The following NRXN3 variants were observed in gnomAD, a reference collection of about 807,000 sequenced individuals.
The protein encoded by NRXN3 is neurexin III.
In NRXN3, 32 loss-of-function variants were observed where a neutral mutation model predicts 137.6. The observed-to-expected ratio is 0.23, with a 90% CI of 0.18 to 0.31. The LOEUF is 0.31. Among genes scored for constraint, NRXN3 ranks in the 10% least tolerant of loss-of-function variants. The pLI, the probability that NRXN3 is intolerant of heterozygous loss-of-function variation, is 1.00. For synonymous variants in NRXN3, 798 were observed against 784.5 expected (o/e 1.02, Z -0.29); for missense variants, 1,574 against 2,062.5 (o/e 0.76, Z 4.59).
At chr14:78,764,055 C>T (rs2098701013) in intron 8 of NRXN3, among the ~76,000 whole-genome samples, 1 of 152,166 alleles carries the variant, frequency 6.6e-6, no homozygotes, top group Non-Finnish European at 1.5e-5. Context: ...TTCCCCACTA[C>T]AGAGCACTCA....
intron 4 of NRXN3, among the ~76,000 whole-genome samples, chr14:78,356,144 G>A (rs1320174361): frequency 6.6e-6 from 1 of 152,210 alleles, no homozygotes; most frequent in Non-Finnish European, 1.5e-5. Context: ...GCCTTCATGG[G>A]CTTGGTTGGC....
chr14:79,523,710 G>C (rs1251712734), intron 16 of NRXN3, among the ~76,000 whole-genome samples: 1 of 152,226 alleles, frequency 6.6e-6, no homozygotes, highest in African/African-American at 2.4e-5. Flanking sequence ...CCTGATTTGG[G>C]TAATGAAGGC....
chr14:79,451,838 G>C (rs535356046), intron 15 of NRXN3, among the ~76,000 whole-genome samples: 1 of 152,150 alleles, frequency 6.6e-6, no homozygotes, highest in Non-Finnish European at 1.5e-5. Context: ...GATCTGCACC[G>C]TGGCAGCCAG....
At position 79,462,465 on chromosome 14, in the gene NRXN3, T is replaced by A. The variant is rs181872910; in HGVS notation, c.3263-4756T>A. ...AAAACTTGTTCCATTTTAACATCAA[T>A]AGAATTATTTGAGGGAAGGCTATTT... On this transcript the variant is annotated intron_variant, in intron 15 of 20. Transcript: ENST00000335750. Among the ~76,000 whole-genome samples, 504 of 151,144 alleles carry A rather than the reference T, an allele frequency of 3.3e-3. 2 individuals carry two copies. Among genetic ancestry groups the A allele is most frequent in the Non-Finnish European group, 4.5e-3 (305 of 67,858 alleles).
chr14:78,774,670 C>G (rs2098739364), intron 8 of NRXN3, among the ~76,000 whole-genome samples: 1 of 152,118 alleles, frequency 6.6e-6, no homozygotes, highest in South Asian at 2.1e-4. Context: ...ATAATCCCAG[C>G]ACTTTTAGAG....
At chr14:79,409,617 C>CTCTATATA (rs1567045599) in intron 15 of NRXN3, among the ~76,000 whole-genome samples, 2 of 112,112 alleles carry the variant, frequency 1.8e-5, no homozygotes, top group Admixed American at 9.7e-5. Context: ...GTGTGTGTGT[C>CTCTATATA]TATATATATA....
intron 15 of NRXN3, among the ~76,000 whole-genome samples, chr14:79,430,654 C>T (rs1432643803): frequency 6.6e-6 from 1 of 152,124 alleles, no homozygotes; most frequent in Non-Finnish European, 1.5e-5. Flanking sequence ...AGATTTGGTT[C>T]TGTTGTCTGG....
chr14:79,551,346 G>A (rs917830832), intron 16 of NRXN3, among the ~76,000 whole-genome samples: 3 of 152,160 alleles, frequency 2.0e-5, no homozygotes, highest in South Asian at 2.1e-4. Flanking sequence ...AACAAAACAT[G>A]GAAATAGTAA....
At chr14:78,183,166 C>T (rs2059960499) in intron 1 of NRXN3, among the ~76,000 whole-genome samples, 1 of 152,220 alleles carries the variant, frequency 6.6e-6, no homozygotes, top group Non-Finnish European at 1.5e-5. Flanking sequence ...CTCCATTTTT[C>T]TTCCTTCTGG....
intron 20 of NRXN3, among the ~76,000 whole-genome samples, chr14:79,832,156 G>A (rs375465597): frequency 2.6e-4 from 40 of 152,174 alleles, no homozygotes; most frequent in African/African-American, 9.6e-4. Context: ...TTGTTATACT[G>A]TATTGTTTTT....
At chr14:79,067,907 T>C (rs76502973) in intron 15 of NRXN3, among the ~76,000 whole-genome samples, 2,461 of 152,156 alleles carry the variant, frequency 0.016, 57 homozygotes, top group African/African-American at 0.056. Context: ...TTAGACTTGA[T>C]AATTGTAGCT....
chr14:79,667,123 C>G (rs2098563682), intron 17 of NRXN3, among the ~76,000 whole-genome samples: 2 of 152,134 alleles, frequency 1.3e-5, no homozygotes, highest in Non-Finnish European at 2.9e-5. Flanking sequence ...TATTTTAAAT[C>G]ATAAGATCAA....
chr14:79,191,149 C>T (rs2064250082), intron 15 of NRXN3, among the ~76,000 whole-genome samples: 1 of 152,156 alleles, frequency 6.6e-6, no homozygotes, highest in Non-Finnish European at 1.5e-5. Flanking sequence ...AACTGCTATG[C>T]CCATTGCATG....
chr14:79,740,095 T>C (rs1290367044), intron 19 of NRXN3, among the ~76,000 whole-genome samples: 2 of 152,190 alleles, frequency 1.3e-5, no homozygotes, highest in Non-Finnish European at 2.9e-5. Context: ...TTTGAGTTAG[T>C]GTATCACTGT....
At chr14:78,686,046 G>A (rs1353256530) in intron 6 of NRXN3, among the ~76,000 whole-genome samples, 1 of 151,974 alleles carries the variant, frequency 6.6e-6, no homozygotes, top group Non-Finnish European at 1.5e-5. Flanking sequence ...CGTTTAGCTT[G>A]TCCATCACCA....
At chr14:79,569,104 C>T (rs983593432) in intron 16 of NRXN3, among the ~76,000 whole-genome samples, 2 of 151,190 alleles carry the variant, frequency 1.3e-5, no homozygotes, top group African/African-American at 2.4e-5. Flanking sequence ...AATAACAACA[C>T]ACAAACACAG....
At chr14:79,672,359 A>G (rs2154000618) in intron 17 of NRXN3, among the ~76,000 whole-genome samples, 1 of 152,238 alleles carries the variant, frequency 6.6e-6, no homozygotes, top group East Asian at 1.9e-4. Flanking sequence ...CAATGTAACC[A>G]GGGATGTAAG....
intron 16 of NRXN3, among the ~76,000 whole-genome samples, chr14:79,601,035 GT>G (rs1357686576): frequency 2.3e-5 from 3 of 131,062 alleles, no homozygotes; most frequent in African/African-American, 8.5e-5. Flanking sequence ...TTTTTTCTTT[GT>G]TGCCTTTTTT....
At chr14:78,880,598 T>G (rs1001922377) in intron 10 of NRXN3, among the ~76,000 whole-genome samples, 1 of 152,044 alleles carries the variant, frequency 6.6e-6, no homozygotes, top group African/African-American at 2.4e-5. Context: ...ATGGGCTTCC[T>G]AGAGAGCAGA....
Sources: allele counts gnomAD v4.1 joint callset (sites outside exome capture counted in the v4.1 genomes callset), GRCh38; gene constraint gnomAD v4.1.1; transcripts MANE v1.5; gene names NCBI Gene and HGNC (gene_info 2026-07-23, HGNC 2026-07-21).